The following ANKS1A variants were observed in gnomAD, a reference collection of about 807,000 sequenced individuals.
ANKS1A encodes the protein ankyrin repeat and SAM domain-containing protein 1A.
A neutral mutation model predicts 120.3 loss-of-function variants in ANKS1A; 55 were observed. The ratio of observed to expected loss-of-function variants is 0.46; its 90% confidence interval spans 0.37 to 0.57. ANKS1A has a LOEUF of 0.57. Ranked by LOEUF, ANKS1A falls within the 20% of genes least tolerant of loss-of-function variation. ANKS1A has a pLI of 0.00. For synonymous variants in ANKS1A, 590 were observed against 604.7 expected (o/e 0.98, Z 0.36); for missense variants, 1,123 against 1,480.3 (o/e 0.76, Z 3.96).
chr6:34,938,089 T>C (rs1344051369), intron 1 of ANKS1A, among the ~76,000 whole-genome samples: 1 of 152,224 alleles, frequency 6.6e-6, no homozygotes, highest in Non-Finnish European at 1.5e-5. Flanking sequence ...AAAGGTCTGA[T>C]ATGTCATTTA....
At chr6:34,993,552 A>T (rs1177487860) in intron 9 of ANKS1A, among the ~76,000 whole-genome samples, 1 of 152,250 alleles carries the variant, frequency 6.6e-6, no homozygotes, top group East Asian at 1.9e-4. Context: ...TGGTGGAAGT[A>T]ATTTAAAATT....
At chr6:35,038,349 CAG>C (rs1775286055) in intron 11 of ANKS1A, 8 of 456,304 alleles carry the variant, frequency 1.8e-5, no homozygotes, top group Non-Finnish European at 3.5e-5. Flanking sequence ...GTCCTCAATA[CAG>C]TTTCGACCGG....
chr6:34,977,552 C>T (rs892505240), intron 3 of ANKS1A, among the ~76,000 whole-genome samples: 7 of 152,136 alleles, frequency 4.6e-5, no homozygotes, highest in Non-Finnish European at 8.8e-5. Flanking sequence ...TCCCTAATAA[C>T]AAACAGAACT....
At position 35,080,891 on chromosome 6, in the gene ANKS1A, G is replaced by T. The variant is rs942683899; in HGVS notation, c.2545-103G>T. On this transcript the variant is annotated intron_variant, in intron 16 of 23. Coordinates refer to ENST00000360359, the MANE Select transcript of ANKS1A (RefSeq NM_015245.3). Reference sequence around the variant, plus strand: ...CCCTTCGCTCCCTGCTGCTTCTCCCGGTGCCGCTGCCTGTGCCGTCCTAAC... The same window carrying T: ...CCCTTCGCTCCCTGCTGCTTCTCCCTGTGCCGCTGCCTGTGCCGTCCTAAC... 6.4e-6 allele frequency: 9 copies of T among 1,407,068 alleles called. No individual in the cohort carries two copies. The Middle Eastern group carries it at 5.5e-4, about 86-fold the overall frequency. 87.2% of individuals were successfully genotyped at this position (1,407,068 alleles called of 1,614,324 possible).
At position 34,930,751 on chromosome 6, in the gene ANKS1A, G is replaced by A. The variant is rs555743252; in HGVS notation, c.198-36488G>A. Among the ~76,000 whole-genome samples, 5 of 152,098 alleles carry A rather than the reference G, an allele frequency of 3.3e-5. No homozygotes were observed. The South Asian group carries it at 1.0e-3, about 32-fold the overall frequency. ...CTCCTAAGAAGTATCAACTTGCCTCGTTTCTGTTACCACAGCCACTGATGT... is the reference window on the plus strand; with the variant it reads ...CTCCTAAGAAGTATCAACTTGCCTCATTTCTGTTACCACAGCCACTGATGT... On this transcript the variant is annotated intron_variant, in intron 1 of 23. Transcript: ENST00000360359.
At chr6:34,934,272 G>A (rs766084425) in intron 1 of ANKS1A, among the ~76,000 whole-genome samples, 3 of 151,866 alleles carry the variant, frequency 2.0e-5, no homozygotes, top group Admixed American at 1.3e-4. Context: ...CTCAGCCTCC[G>A]GAGCAGCTGG....
chr6:35,039,744 A>C, intron 11 of ANKS1A: 1 of 414,790 alleles, frequency 2.4e-6, no homozygotes, highest in Non-Finnish European at 5.0e-6. Flanking sequence ...CATTTTTCCC[A>C]GGTCTTTTTC....
At chr6:35,004,896 CTTTG>C (rs1298824585) in intron 10 of ANKS1A, among the ~76,000 whole-genome samples, 7 of 152,114 alleles carry the variant, frequency 4.6e-5, no homozygotes, top group East Asian at 1.9e-4. Context: ...ATGTGAAATT[CTTTG>C]TTTGTATTTA....
At chr6:35,094,064 T>C (rs1243271387), downstream of ANKS1A, among the ~76,000 whole-genome samples, 3 of 152,102 alleles carry the variant, frequency 2.0e-5, no homozygotes, top group African/African-American at 7.2e-5. Flanking sequence ...ACCTCAGGTG[T>C]CAGTGGAGGC....
chr6:34,954,913 A>G (rs777455954), intron 1 of ANKS1A, among the ~76,000 whole-genome samples: 20 of 151,880 alleles, frequency 1.3e-4, no homozygotes, highest in Non-Finnish European at 2.4e-4. Context: ...AACATCCTCT[A>G]TTAGTCACTG....
At chr6:34,968,856 C>G (rs144395505) in intron 2 of ANKS1A, among the ~76,000 whole-genome samples, 45 of 152,286 alleles carry the variant, frequency 3.0e-4, no homozygotes, top group Non-Finnish European at 5.6e-4. Context: ...TTTGACCCAC[C>G]CTAATTGACT....
intron 1 of ANKS1A, among the ~76,000 whole-genome samples, chr6:34,947,531 TC>T (rs988676445): frequency 1.3e-5 from 2 of 152,232 alleles, no homozygotes; most frequent in African/African-American, 2.4e-5. Flanking sequence ...CTGAATTTTT[TC>T]ATCCACCAGG....
chr6:34,923,669 G>A (rs1259467893), intron 1 of ANKS1A, among the ~76,000 whole-genome samples: 1 of 152,178 alleles, frequency 6.6e-6, no homozygotes, highest in African/African-American at 2.4e-5. Context: ...GGTCTATCAA[G>A]CTATATCATA....
chr6:34,983,078 C>T, intron 5 of ANKS1A, 35 bp from the exon 6 acceptor site: 1 of 1,593,242 alleles, frequency 6.3e-7, no homozygotes. Context: ...CTTGAAAATG[C>T]TCACTCCCCT....
At position 35,086,407 on chromosome 6, in the gene ANKS1A, C is replaced by T. The variant is rs903798671; in HGVS notation, c.3303+471C>T. On this transcript the variant is annotated intron_variant, in intron 22 of 23. Coordinates refer to ENST00000360359, the MANE Select transcript of ANKS1A (RefSeq NM_015245.3). The surrounding 1 kb of genome is among the most constrained non-coding windows in gnomAD (Gnocchi z 5.1). ...CTGCTGTCTTGTGTGTCAGTCTCCC[C>T]GAAGTGACCGTGAGCGCTCTTAGCC... is the stretch of plus-strand genomic sequence containing the variant. 2.6e-5 allele frequency: 33 copies of T among 1,270,524 alleles called. No individual in the cohort carries two copies. The highest frequency in any genetic ancestry group is 2.1e-4 in the Admixed American group (9 of 43,574). 78.7% of individuals were successfully genotyped at this position (1,270,524 alleles called of 1,614,324 possible).
intron 8 of ANKS1A, among the ~76,000 whole-genome samples, chr6:34,987,038 T>C (rs554835267): frequency 1.3e-5 from 2 of 152,360 alleles, no homozygotes; most frequent in South Asian, 4.1e-4. Flanking sequence ...CTTTGTTCCC[T>C]CCTGCTCTCC....
At chr6:34,906,260 GCTTACTGTCCT>G (rs1020392509) in intron 1 of ANKS1A, among the ~76,000 whole-genome samples, 1 of 152,168 alleles carries the variant, frequency 6.6e-6, no homozygotes. Flanking sequence ...AGGAGCGACT[GCTTACTGTCCT>G]CTTACTGTGT....
At chr6:35,081,196 C>T (rs763771747) in intron 17 of ANKS1A, 38 bp downstream of exon 17, 1 of 1,570,280 alleles carries the variant, frequency 6.4e-7, no homozygotes, top group South Asian at 1.2e-5. Flanking sequence ...CAGGCTCTAC[C>T]TCATTCCTCT....
chr6:34,895,849 GCA>G (rs61196218), intron 1 of ANKS1A, among the ~76,000 whole-genome samples: 10,350 of 139,998 alleles, frequency 0.074, 574 homozygotes, highest in East Asian at 0.23. Flanking sequence ...GAGTGCGATG[GCA>G]CGATCTCGAC....
Sources: allele counts gnomAD v4.1 joint callset (sites outside exome capture counted in the v4.1 genomes callset), GRCh38; gene constraint gnomAD v4.1.1; non-coding constraint Gnocchi (gnomAD v3.1); transcripts MANE v1.5; gene names NCBI Gene and HGNC (gene_info 2026-07-23, HGNC 2026-07-21).